The following PPFIA4 variants were observed in gnomAD, a reference collection of about 807,000 sequenced individuals.
PPFIA4 encodes the protein PPFI scaffold protein A4, also known as liprin-alpha-4.
A neutral mutation model predicts 145.7 loss-of-function variants in PPFIA4; 98 were observed. The observed-to-expected ratio is 0.67, with a 90% CI of 0.57 to 0.80. The LOEUF (loss-of-function observed/expected upper bound fraction) is 0.80, where lower values mean the gene tolerates loss of function less well. PPFIA4 is among the 30% of genes least tolerant of loss of function. PPFIA4 has a pLI of 0.00. For missense variants in PPFIA4, 1,457 were observed against 1,632.7 expected, an observed-to-expected ratio of 0.89 and a Z score of 1.85; for synonymous variants, 628 against 649.6, an observed-to-expected ratio of 0.97 and a Z score of 0.51.
chr1:203,043,321 C>A lies in PPFIA4; in HGVS notation c.235-76C>A. On this transcript the variant is annotated intron_variant, in intron 2 of 29. Transcript: ENST00000295706. This position sits in a 1 kb window ranked among gnomAD's most constrained non-coding sequence, Gnocchi z 4.4. ...AAGTAAGGGATGGGTGAGAGGATCC[C>A]ACCACTGACTTGCATGTGCAGGACA... 1 of 1,301,998 alleles carries A rather than the reference C, an allele frequency of 7.7e-7. No individual in the cohort carries two copies. Among genetic ancestry groups the A allele is most frequent in the Non-Finnish European group, 1.1e-6 (1 of 922,424 alleles). The allele number at this position is 1,301,998 out of a possible 1,614,324, so 80.7% of individuals were successfully genotyped here.
At chr1:203,033,185 G>A (rs1028910264) in intron 1 of PPFIA4, among the ~76,000 whole-genome samples, 53 of 152,226 alleles carry the variant, frequency 3.5e-4, no homozygotes, top group Admixed American at 1.5e-3. Context: ...GCACTGGAGC[G>A]TATTGTGTGT....
In PPFIA4 at chr1:203,075,603, G is replaced by A. The variant is rs981353725; in HGVS notation, c.3420G>A (p.Ala1140=). The change falls in exon 29 of 30, where the codon GCG becomes GCA. Residue 1140 remains alanine (A), a synonymous_variant. Coordinates refer to ENST00000295706, the MANE Select transcript of PPFIA4 (RefSeq NM_001304331.2). This position sits in a 1 kb window ranked among gnomAD's most constrained non-coding sequence, Gnocchi z 4.1. ...GGGATGACAAGGTGTTTCGCCGCGC[G>A]CCCTCCTGGAGGAAGCGCTTCCGGC... ...DDGDDKVFRR[A]PSWRKRFRPR... The A allele has an allele frequency of 3.4e-6, 5 of 1,464,274 alleles. No homozygotes were observed. In the South Asian group the frequency reaches 4.2e-5, roughly 12 times the overall value. The allele number at this position is 1,464,274 out of a possible 1,614,324, so 90.7% of individuals were successfully genotyped here.
At chr1:203,028,505 G>C (rs1658580678) in intron 1 of PPFIA4, among the ~76,000 whole-genome samples, 1 of 152,274 alleles carries the variant, frequency 6.6e-6, no homozygotes, top group East Asian at 1.9e-4. Context: ...TGGGTGTTAA[G>C]GGGGTTTTAA....
intron 5 of PPFIA4, 31 bp downstream of exon 5, chr1:203,044,484 C>T: frequency 6.5e-7 from 1 of 1,542,332 alleles, no homozygotes; most frequent in Non-Finnish European, 8.8e-7. Flanking sequence ...CAGTCTGCAG[C>T]TCCTGGAAGT....
At chr1:203,062,659 TGGCAGAG>T (rs1160981154) in intron 24 of PPFIA4, among the ~76,000 whole-genome samples, 1 of 151,902 alleles carries the variant, frequency 6.6e-6, no homozygotes, top group East Asian at 1.9e-4. Context: ...AAAACACCCT[TGGCAGAG>T]GTGATGGGTC....
chr1:203,053,818 C>T lies in PPFIA4; in HGVS notation c.1686C>T (p.Asp562=), dbSNP rs762282937. ...CAGCTGGCCCTGCCTTTGACAGTGA[C>T]CCTGAGATCTCCGACGTGGATGAGG... is the stretch of plus-strand genomic sequence containing the variant. ...APAAGPAFDS[D]PEISDVDEDE... Residue 562 remains aspartate (D), a synonymous_variant, in exon 15 of 30, where the codon GAC becomes GAT. Coordinates refer to ENST00000295706, the MANE Select transcript of PPFIA4 (RefSeq NM_001304331.2). 5 of 1,553,318 alleles carry T rather than the reference C, an allele frequency of 3.2e-6. No homozygotes were observed. In the African/African-American group the frequency reaches 4.1e-5, roughly 13 times the overall value.
In PPFIA4 at chr1:203,048,606, T is replaced by C; in HGVS notation, c.1248T>C (p.Asn416=). The C allele has an allele frequency of 1.3e-6, 2 of 1,593,640 alleles. No individual in the cohort carries two copies. Among genetic ancestry groups the C allele is most frequent in the East Asian group, 2.3e-5 (1 of 43,822 alleles). The part of the protein sequence containing the change: ...LARVRQREKM[N]EDHNKRLSDT... ...AGGTGCGCCAGCGGGAAAAGATGAA[T>C]GAGGACCACAACAAGCGGCTGTCGG... is the stretch of plus-strand genomic sequence containing the variant. The change falls in exon 11 of 30, where the codon AAT becomes AAC. Residue 416 remains asparagine (N), a synonymous_variant. Coordinates refer to ENST00000295706, the MANE Select transcript of PPFIA4 (RefSeq NM_001304331.2). The surrounding 1 kb of genome is among the most constrained non-coding windows in gnomAD (Gnocchi z 5.8).
rs1662483070 is a variant in PPFIA4 at position 203,075,711 on chromosome 1, G to A, written c.3528G>A (p.Gly1176=). The A allele has an allele frequency of 6.9e-7, 1 of 1,454,102 alleles. No homozygotes were observed. The highest frequency in any genetic ancestry group is 1.8e-4 in the Middle Eastern group (1 of 5,536). 90.1% of individuals were successfully genotyped at this position (1,454,102 alleles called of 1,614,324 possible). The change falls in exon 29 of 30, where the codon GGG becomes GGA. Residue 1176 remains glycine, a synonymous_variant. Coordinates refer to ENST00000295706, the MANE Select transcript of PPFIA4 (RefSeq NM_001304331.2). This position sits in a 1 kb window ranked among gnomAD's most constrained non-coding sequence, Gnocchi z 4.1. ...CGGGCTTCCGTGTGTCCACCCTGGG[G>A]ACCCTGCAGCCCCCACCGGCCCCGC... is the stretch of plus-strand genomic sequence containing the variant. ...LPAGFRVSTL[G]TLQPPPAPPK...
At chr1:203,056,761 C>T (rs1442002048) in intron 18 of PPFIA4, 23 bp from the exon 19 acceptor site, 20 of 1,554,806 alleles carry the variant, frequency 1.3e-5, no homozygotes, top group Non-Finnish European at 1.7e-5. Flanking sequence ...TTATTCCGCC[C>T]CCTTCTGGCT....
chr1:203,055,470 C>T lies in PPFIA4; in HGVS notation c.1868C>T (p.Ala623Val), dbSNP rs947749070. ...QEEKESTELR[A>V]EEIETRVTSG... ...GAGAAGGAGTCCACGGAGCTCCGCG[C>T]GGAGGAGATTGAGACGCGTGTAACC... Residue 623 changes from alanine (A) to valine (V), a missense_variant, in exon 16 of 30, where the codon GCG becomes GTG. Transcript: ENST00000295706. The surrounding 1 kb of genome is among the most constrained non-coding windows in gnomAD (Gnocchi z 4.8). The T allele has an allele frequency of 5.0e-6, 8 of 1,613,850 alleles. No homozygotes were observed. The highest frequency in any genetic ancestry group is 4.0e-5 in the African/African-American group (3 of 74,922).
chr1:203,031,036 C>T (rs1658790239), intron 1 of PPFIA4, among the ~76,000 whole-genome samples: 1 of 152,162 alleles, frequency 6.6e-6, no homozygotes, highest in African/African-American at 2.4e-5. Flanking sequence ...TATACACAGA[C>T]ATACATACAA....
In PPFIA4 at chr1:203,068,617, C is replaced by T; in HGVS notation, c.3313C>T (p.Gln1105Ter). 1 of 1,534,364 alleles carries T rather than the reference C, an allele frequency of 6.5e-7. No individual in the cohort carries two copies. The highest frequency in any genetic ancestry group is 8.7e-7 in the Non-Finnish European group (1 of 1,144,350). Residue 1105 changes from glutamine to a stop codon, truncating the protein, a stop_gained, in exon 27 of 30, where the codon CAG (glutamine) becomes TAG (stop). Coordinates refer to ENST00000295706, the MANE Select transcript of PPFIA4 (RefSeq NM_001304331.2). LOFTEE classifies it high-confidence loss of function. This position sits in a 1 kb window ranked among gnomAD's most constrained non-coding sequence, Gnocchi z 4.7. The stretch of plus-strand genomic sequence containing the variant: ...GGCCCTGATCCTCCAGATCCCCACA[C>T]AGAACACCCAGGTGGGCAGCCTTTT... The part of the protein sequence containing the change: ...TLALILQIPT[Q>*]NTQARQVMER...
At position 203,056,502 on chromosome 1, in the gene PPFIA4, G is replaced by C. The variant is rs1475652799; in HGVS notation, c.2234G>C (p.Gly745Ala). ...CACCCAGCCCTGAGCCAGGAAGAAG[G>C]CAAGAGGTAAGTAGAGCAGACCCCA... ...LGHPALSQEE[G>A]KSALEDQGSN... The change falls in exon 18 of 30, where the codon GGC (glycine) becomes GCC (alanine). Residue 745 changes from glycine (G) to alanine (A), a missense_variant. Transcript: ENST00000295706. 1.2e-6 allele frequency: 2 copies of C among 1,613,626 alleles called. No homozygotes were observed. Among genetic ancestry groups the C allele is most frequent in the Admixed American group, 1.7e-5 (1 of 59,942 alleles).
chr1:203,047,568 T>C (rs934166871), intron 9 of PPFIA4, among the ~76,000 whole-genome samples: 1 of 152,176 alleles, frequency 6.6e-6, no homozygotes, highest in African/African-American at 2.4e-5. Flanking sequence ...CAGTAGGGTC[T>C]CCATCTCTGG....
rs1279776099 is a variant in PPFIA4 at position 203,045,367 on chromosome 1, G to A, written c.667-1G>A. The A allele has an allele frequency of 1.3e-6, 2 of 1,588,696 alleles. No homozygotes were observed. The highest frequency in any genetic ancestry group is 2.7e-5 in the African/African-American group (2 of 74,456). On this transcript the variant is annotated splice_acceptor_variant, in intron 6 of 29. Transcript: ENST00000295706. LOFTEE classifies it high-confidence loss of function. ...CAGAGCTACTGTCCCTATCCCTGGAGGAGGATACGGGCCGGGTAGAGGAGC... is the reference window on the plus strand; with the variant it reads ...CAGAGCTACTGTCCCTATCCCTGGAAGAGGATACGGGCCGGGTAGAGGAGC...
At chr1:203,051,353 C>A in intron 13 of PPFIA4, 1 of 980,520 alleles carries the variant, frequency 1.0e-6, no homozygotes, top group Non-Finnish European at 1.2e-6. Flanking sequence ...GTGAAAAGGG[C>A]CTCTAGACAT....
chr1:203,058,188 C>T (rs1558090224), intron 19 of PPFIA4, among the ~76,000 whole-genome samples: 1 of 152,130 alleles, frequency 6.6e-6, no homozygotes, highest in East Asian at 1.9e-4. Context: ...AATCAGAAGA[C>T]AGCTAGCTGG....
Position 203,060,479 on chromosome 1 carries a change from C to T in PPFIA4, c.2784+62C>T. 6.4e-7 allele frequency: 1 copy of T among 1,556,266 alleles called. No homozygotes were observed. Among genetic ancestry groups the T allele is most frequent in the Non-Finnish European group, 8.8e-7 (1 of 1,139,888 alleles). ...GGTCCTGGAACATAGTTTGCAAGGT[C>T]TCCTGTTGGGCTTTGGGAAGATGGC... On this transcript the variant is annotated intron_variant, in intron 22 of 29. Transcript: ENST00000295706. The surrounding 1 kb of genome is among the most constrained non-coding windows in gnomAD (Gnocchi z 4.8).
At chr1:203,051,236 G>A (rs1044260443) in intron 13 of PPFIA4, 7 of 985,366 alleles carry the variant, frequency 7.1e-6, no homozygotes, top group Non-Finnish European at 7.2e-6. Context: ...AGCTTCCTAG[G>A]CATAGGGGTA....
Sources: gnomAD v4.1 joint callset for allele counts (sites outside exome capture counted in the v4.1 genomes callset) on GRCh38, gnomAD v4.1.1 for gene constraint, Gnocchi (gnomAD v3.1) non-coding constraint, MANE v1.5 for transcripts, NCBI Gene and HGNC (gene_info 2026-07-23, HGNC 2026-07-21) for gene names.